Variants in PRKG1 observed in about 807,000 individuals in gnomAD.
PRKG1 encodes the protein cGMP-dependent protein kinase 1.
A neutral mutation model predicts 88.1 loss-of-function variants in PRKG1; 35 were observed. That is an observed-to-expected ratio of 0.40 (90% CI 0.30 to 0.53). The LOEUF is 0.53. Ranked by LOEUF, PRKG1 falls within the 20% of genes least tolerant of loss-of-function variation. The pLI is 0.59. For synonymous variants in PRKG1, 303 were observed against 292.5 expected, an observed-to-expected ratio of 1.04 and a Z score of -0.37; for missense variants, 540 against 839.8, an observed-to-expected ratio of 0.64 and a Z score of 4.41.
At chr10:51,995,827 G>C (rs991659991) in intron 5 of PRKG1, among the ~76,000 whole-genome samples, 1 of 152,108 alleles carries the variant, frequency 6.6e-6, no homozygotes, top group Non-Finnish European at 1.5e-5. Context: ...TATATGTTAA[G>C]TGCATATAGA....
At chr10:51,890,285 C>T (rs1841686328) in intron 4 of PRKG1, among the ~76,000 whole-genome samples, 1 of 152,152 alleles carries the variant, frequency 6.6e-6, no homozygotes, top group African/African-American at 2.4e-5. Flanking sequence ...CTAATTCCTC[C>T]TATTTCTACC....
At chr10:52,081,882 G>A (rs1288300909) in intron 7 of PRKG1, among the ~76,000 whole-genome samples, 1 of 151,974 alleles carries the variant, frequency 6.6e-6, no homozygotes, top group Non-Finnish European at 1.5e-5. Flanking sequence ...TGACAATAGG[G>A]GTCTCATTAA....
chr10:52,240,191 A>C (rs1413392005), intron 9 of PRKG1, among the ~76,000 whole-genome samples: 1 of 152,186 alleles, frequency 6.6e-6, no homozygotes, highest in Admixed American at 6.5e-5. Flanking sequence ...CAAGGTTCAC[A>C]TATTGTTAGT....
chr10:51,886,642 T>C (rs944392130), intron 4 of PRKG1, among the ~76,000 whole-genome samples: 1 of 152,222 alleles, frequency 6.6e-6, no homozygotes, highest in African/African-American at 2.4e-5. Flanking sequence ...GAAGTATTTA[T>C]CCTTCTGCAT....
chr10:51,680,202 A>G (rs975736923), intron 3 of PRKG1, among the ~76,000 whole-genome samples: 3 of 152,136 alleles, frequency 2.0e-5, no homozygotes, highest in Non-Finnish European at 4.4e-5. Flanking sequence ...AAGGTAGCTG[A>G]TAAGAACCTC....
At chr10:52,027,195 C>G (rs1403079488) in intron 5 of PRKG1, among the ~76,000 whole-genome samples, 1 of 152,124 alleles carries the variant, frequency 6.6e-6, no homozygotes, top group African/African-American at 2.4e-5. Flanking sequence ...GATAATCACT[C>G]AAGTGTACTT....
intron 3 of PRKG1, among the ~76,000 whole-genome samples, chr10:51,658,432 T>C (rs1268303711): frequency 6.6e-6 from 1 of 152,006 alleles, no homozygotes; most frequent in Non-Finnish European, 1.5e-5. Flanking sequence ...AGGCACAAAA[T>C]GACAAATGTC....
At chr10:51,757,269 T>A (rs1837893234) in intron 3 of PRKG1, among the ~76,000 whole-genome samples, 1 of 151,896 alleles carries the variant, frequency 6.6e-6, no homozygotes, top group Non-Finnish European at 1.5e-5. Context: ...ATCCAGCTAA[T>A]TTTTTTGTAT....
At chr10:51,703,064 C>T (rs907324403) in intron 3 of PRKG1, among the ~76,000 whole-genome samples, 11 of 152,200 alleles carry the variant, frequency 7.2e-5, no homozygotes, top group African/African-American at 2.4e-4. Flanking sequence ...ACTAGAAAAT[C>T]GGTACATTAA....
At chr10:51,435,079 A>C (rs1316129260) in intron 2 of PRKG1, among the ~76,000 whole-genome samples, 1 of 152,062 alleles carries the variant, frequency 6.6e-6, no homozygotes, top group Non-Finnish European at 1.5e-5. Flanking sequence ...CTACAACTCT[A>C]TTTATAAAAG....
At chr10:52,226,891 G>T (rs115462374) in intron 9 of PRKG1, among the ~76,000 whole-genome samples, 1 of 152,114 alleles carries the variant, frequency 6.6e-6, no homozygotes, top group African/African-American at 2.4e-5. Flanking sequence ...CTTTGAAAAT[G>T]TGCAGATGCT....
At chr10:51,269,872 G>A (rs897401166) in intron 2 of PRKG1, among the ~76,000 whole-genome samples, 5 of 152,036 alleles carry the variant, frequency 3.3e-5, no homozygotes, top group Admixed American at 2.6e-4. Context: ...AAATAAAAAA[G>A]GAATCAAATG....
chr10:51,906,987 A>T (rs1363311847), intron 4 of PRKG1, among the ~76,000 whole-genome samples: 1 of 152,202 alleles, frequency 6.6e-6, no homozygotes, highest in African/African-American at 2.4e-5. Context: ...TTTAAGACTT[A>T]CAATGAGACT....
chr10:51,931,626 C>A (rs1420690140), intron 5 of PRKG1, among the ~76,000 whole-genome samples: 1 of 152,088 alleles, frequency 6.6e-6, no homozygotes, highest in African/African-American at 2.4e-5. Flanking sequence ...GTATTTCCAT[C>A]ATGTGGGTAA....
At chr10:51,029,550 T>C (rs1843252994) in intron 1 of PRKG1, among the ~76,000 whole-genome samples, 1 of 152,054 alleles carries the variant, frequency 6.6e-6, no homozygotes, top group Non-Finnish European at 1.5e-5. Flanking sequence ...TTAGGAAATG[T>C]GTTGGAATGT....
At chr10:51,090,216 C>G (rs183635580) in intron 1 of PRKG1, among the ~76,000 whole-genome samples, 1 of 152,278 alleles carries the variant, frequency 6.6e-6, no homozygotes, top group African/African-American at 2.4e-5. Flanking sequence ...GTTCTCATTA[C>G]TATCATAATT....
chr10:52,247,646 G>A (rs777378545), intron 9 of PRKG1, among the ~76,000 whole-genome samples: 5 of 152,060 alleles, frequency 3.3e-5, no homozygotes, highest in East Asian at 1.9e-4. Context: ...TTAAATATCC[G>A]AAAAATCTAA....
chr10:52,034,294 A>G (rs1264988911), intron 5 of PRKG1, among the ~76,000 whole-genome samples: 1 of 139,548 alleles, frequency 7.2e-6, no homozygotes, highest in African/African-American at 2.7e-5. Context: ...GGTGGTATGG[A>G]GAGAGAATGG....
At chr10:51,211,291 A>T in intron 2 of PRKG1, among the ~76,000 whole-genome samples, 1 of 152,192 alleles carries the variant, frequency 6.6e-6, no homozygotes, top group East Asian at 1.9e-4. Context: ...ACTCTCAATA[A>T]ATTAGGTATT....
Sources: gnomAD v4.1 joint callset for allele counts (sites outside exome capture counted in the v4.1 genomes callset) on GRCh38, gnomAD v4.1.1 for gene constraint, MANE v1.5 for transcripts, NCBI Gene and HGNC (gene_info 2026-07-23, HGNC 2026-07-21) for gene names.